Variants in CPEB2 observed in about 807,000 individuals in gnomAD.
The protein encoded by CPEB2 is cytoplasmic polyadenylation element binding protein 2.
A neutral mutation model predicts 93.6 loss-of-function variants in CPEB2; 56 were observed. The ratio of observed to expected loss-of-function variants is 0.60; its 90% CI spans 0.48 to 0.75. The LOEUF is 0.75. CPEB2 is among the 30% of genes least tolerant of loss of function. The probability of loss-of-function intolerance (pLI) is 0.00; values close to 1 mark genes in which losing one functional copy is unlikely to be tolerated. For missense variants in CPEB2, 1,579 were observed against 1,395.1 expected (o/e 1.13, Z -2.10); for synonymous variants, 764 against 586.3 (o/e 1.30, Z -4.38).
intron 6 of CPEB2, among the ~76,000 whole-genome samples, chr4:15,048,532 T>A (rs1280674933): frequency 6.6e-6 from 1 of 152,038 alleles, no homozygotes; most frequent in Non-Finnish European, 1.5e-5. Flanking sequence ...TTTTAATCTT[T>A]TAATGTTTGT....
At chr4:15,043,552 TC>T (rs1308238086) in intron 6 of CPEB2, among the ~76,000 whole-genome samples, 1 of 152,118 alleles carries the variant, frequency 6.6e-6, no homozygotes, top group African/African-American at 2.4e-5. Flanking sequence ...AACATACTTG[TC>T]CAGGATTGAA....
At position 15,045,825 on chromosome 4, in the gene CPEB2, AT is replaced by A. The variant is rs201240463; in HGVS notation, c.2200+5339del. Among the ~76,000 whole-genome samples the A allele has an allele frequency of 9.9e-3, 1,502 of 152,300 alleles. 32 individuals carry two copies. Among genetic ancestry groups the A allele is most frequent in the African/African-American group, 0.034 (1,430 of 41,586 alleles). On this transcript the variant is annotated intron_variant, in intron 6 of 11. Coordinates refer to ENST00000538197, the MANE Select transcript of CPEB2 (RefSeq NM_001177382.2). Reference sequence around the variant, plus strand: ...TCAGCTCTTCTTTTAAAAGAAAAAAATAATTTCATAAGTAATTACTTTTAAA... The same window carrying A: ...TCAGCTCTTCTTTTAAAAGAAAAAAAAATTTCATAAGTAATTACTTTTAAA...
chr4:15,036,051 TTAAG>T (rs1303163048), intron 5 of CPEB2, among the ~76,000 whole-genome samples: 1 of 152,140 alleles, frequency 6.6e-6, no homozygotes, highest in East Asian at 1.9e-4. Context: ...CAATATTCCT[TTAAG>T]TAAGAAATAA....
chr4:15,069,144 C>A lies in CPEB2; in HGVS notation c.*2764C>A, dbSNP rs1211579659. The A allele has an allele frequency of 6.6e-6, 1 of 152,054 alleles. No homozygotes were observed. Among genetic ancestry groups the A allele is most frequent in the Non-Finnish European group, 1.5e-5 (1 of 67,766 alleles). The allele number at this position is 152,054 out of a possible 1,614,324, so 9.4% of individuals were successfully genotyped here. A position where few individuals can be genotyped will look rare whatever the true frequency, so the allele number is the denominator to read the frequency against. ...GAGGAAAAAAAAATACTTTAAAAAT[C>A]CACACTTTTTGTTAAGAAGGAAACA... On this transcript the variant is annotated 3_prime_UTR_variant, in exon 12 of 12. Coordinates refer to ENST00000538197, the MANE Select transcript of CPEB2 (RefSeq NM_001177382.2).
intron 4 of CPEB2, among the ~76,000 whole-genome samples, chr4:15,023,211 A>G (rs886434941): frequency 3.9e-5 from 6 of 152,058 alleles, no homozygotes; most frequent in African/African-American, 1.4e-4. Context: ...TTAAATGGAA[A>G]GTAGAACAAC....
chr4:15,055,715 G>T (rs576653282), intron 8 of CPEB2, among the ~76,000 whole-genome samples: 1 of 152,228 alleles, frequency 6.6e-6, no homozygotes, highest in South Asian at 2.1e-4. Context: ...AAGCAAAAAT[G>T]CATTCCTTCT....
intron 9 of CPEB2, 37 bp from the exon 10 acceptor site, chr4:15,059,150 A>C (rs1282668988): frequency 8.0e-7 from 1 of 1,252,154 alleles, no homozygotes; most frequent in Non-Finnish European, 1.2e-6. Flanking sequence ...CTCATAAGAC[A>C]TCAAGGGAGT....
Position 15,040,458 on chromosome 4 carries a change from A to G in CPEB2, c.2177-6A>G, listed in dbSNP as rs891000804. On this transcript the variant is annotated splice_region_variant and splice_polypyrimidine_tract_variant and intron_variant, in intron 5 of 11. Transcript: ENST00000538197. Reference sequence around the variant, plus strand: ...ATTTTACAATTTGTGCTTTGTTTACATGCAGCAAGGAGTTATGGGCGAAGA... The same window carrying G: ...ATTTTACAATTTGTGCTTTGTTTACGTGCAGCAAGGAGTTATGGGCGAAGA... The G allele has an allele frequency of 1.0e-5, 16 of 1,536,292 alleles. No individual in the cohort carries two copies. The highest frequency in any genetic ancestry group is 2.0e-5 in the Admixed American group (1 of 51,050).
In CPEB2 at chr4:15,068,804, G is replaced by A. The variant is rs930958117; in HGVS notation, c.*2424G>A. ...TGTACTAGAACACCCTTTTTGCCAC[G>A]GGTAAAAATAACAGAAATGTATGGT... On this transcript the variant is annotated 3_prime_UTR_variant, in exon 12 of 12. Coordinates refer to ENST00000538197, the MANE Select transcript of CPEB2 (RefSeq NM_001177382.2). The A allele has an allele frequency of 2.0e-4, 30 of 152,008 alleles. No homozygotes were observed. The highest frequency in any genetic ancestry group is 6.3e-4 in the African/African-American group (26 of 41,456). The allele number at this position is 152,008 out of a possible 1,614,324, so 9.4% of individuals were successfully genotyped here. A position where few individuals can be genotyped will look rare whatever the true frequency, so the allele number is the denominator to read the frequency against.
intron 4 of CPEB2, among the ~76,000 whole-genome samples, chr4:15,030,503 C>A (rs1229000711): frequency 6.6e-6 from 1 of 152,102 alleles, no homozygotes. Flanking sequence ...AAGCTCCTGG[C>A]TCAGAGTATA....
chr4:15,033,346 T>C, intron 5 of CPEB2, 135 bp downstream of exon 5: 1 of 663,496 alleles, frequency 1.5e-6, no homozygotes, highest in Non-Finnish European at 2.6e-6. Context: ...ACTATTCCTA[T>C]GCAAAAGGCA....
intron 4 of CPEB2, among the ~76,000 whole-genome samples, chr4:15,018,936 TTATATATATATATATATATA>T (rs56945294): frequency 4.5e-5 from 6 of 133,146 alleles, no homozygotes; most frequent in Non-Finnish European, 9.6e-5. Context: ...AAGGGGAATT[TTATATATATATATATATATA>T]TATATATATA....
intron 7 of CPEB2, 96 bp downstream of exon 7, chr4:15,052,680 C>T (rs1213348230): frequency 1.5e-6 from 1 of 678,226 alleles, no homozygotes; most frequent in Non-Finnish European, 2.2e-6. Flanking sequence ...AAGTTTTTAC[C>T]ACCTAGAGAT....
chr4:15,043,381 A>G (rs989599215), intron 6 of CPEB2, among the ~76,000 whole-genome samples: 4 of 152,166 alleles, frequency 2.6e-5, no homozygotes, highest in African/African-American at 4.8e-5. Flanking sequence ...GTGTATCTCT[A>G]TCCCCTGGTA....
At chr4:15,009,896 C>T (rs1723258832) in intron 3 of CPEB2, among the ~76,000 whole-genome samples, 1 of 152,164 alleles carries the variant, frequency 6.6e-6, no homozygotes, top group Non-Finnish European at 1.5e-5. Context: ...GGGCTGCCCT[C>T]CCACTTAGAC....
chr4:15,027,439 T>A (rs1421561567), intron 4 of CPEB2, among the ~76,000 whole-genome samples: 1 of 152,224 alleles, frequency 6.6e-6, no homozygotes, highest in African/African-American at 2.4e-5. Context: ...ATCTTATTCT[T>A]AGGCTTTTAT....
At chr4:15,021,307 A>G (rs1724785429) in intron 4 of CPEB2, among the ~76,000 whole-genome samples, 1 of 152,208 alleles carries the variant, frequency 6.6e-6, no homozygotes, top group Non-Finnish European at 1.5e-5. Context: ...AAGGAAGATC[A>G]TGGATTCTTT....
intron 6 of CPEB2, among the ~76,000 whole-genome samples, chr4:15,051,873 CT>C (rs1261340317): frequency 6.6e-6 from 1 of 152,148 alleles, no homozygotes; most frequent in East Asian, 1.9e-4. Context: ...GAGGGGGTAC[CT>C]TTTCTATTTT....
At chr4:15,009,169 C>T (rs1577363365) in intron 3 of CPEB2, among the ~76,000 whole-genome samples, 1 of 152,262 alleles carries the variant, frequency 6.6e-6, no homozygotes, top group Non-Finnish European at 1.5e-5. Flanking sequence ...TTACAGAGCT[C>T]AAGTTTGAAT....
Sources: allele counts gnomAD v4.1 joint callset (sites outside exome capture counted in the v4.1 genomes callset), GRCh38; gene constraint gnomAD v4.1.1; transcripts MANE v1.5; gene names NCBI Gene and HGNC (gene_info 2026-07-23, HGNC 2026-07-21).